TTC7A: variants seen among roughly 807,000 people sequenced by gnomAD.
TTC7A encodes the protein tetratricopeptide repeat protein 7A.
In TTC7A, 110 loss-of-function variants were observed where a neutral mutation model predicts 103.7. That is an observed-to-expected ratio of 1.06 (90% CI 0.91 to 1.24). The LOEUF is 1.24. TTC7A is among the 50% of genes most tolerant of loss of function. The pLI, the probability that TTC7A is intolerant of heterozygous loss-of-function variation, is 0.00. For synonymous variants in TTC7A, 521 were observed against 467.9 expected, an observed-to-expected ratio of 1.11 and a Z score of -1.47; for missense variants, 1,340 against 1,116.3, an observed-to-expected ratio of 1.20 and a Z score of -2.86.
Position 47,046,474 on chromosome 2 carries a change from G to A in TTC7A, c.1919+43G>A, listed in dbSNP as rs769759962. The A allele has an allele frequency of 2.6e-6, 4 of 1,532,252 alleles. No individual in the cohort carries two copies. The African/African-American group carries it at 5.5e-5, about 21-fold the overall frequency. 94.9% of individuals were successfully genotyped at this position (1,532,252 alleles called of 1,614,324 possible). Reference sequence around the variant, plus strand: ...TCTCTTGGGTTGCCAGAGGGTGGTTGCCAGGGCAACAATCCACAGCTGGGT... The same window carrying A: ...TCTCTTGGGTTGCCAGAGGGTGGTTACCAGGGCAACAATCCACAGCTGGGT... On this transcript the variant is annotated intron_variant, in intron 16 of 19. Coordinates refer to ENST00000319190, the MANE Select transcript of TTC7A (RefSeq NM_020458.4).
At chr2:46,989,594 C>T (rs920993850) in intron 5 of TTC7A, among the ~76,000 whole-genome samples, 1 of 151,456 alleles carries the variant, frequency 6.6e-6, no homozygotes, top group Non-Finnish European at 1.5e-5. Context: ...CCCTGTACAG[C>T]CCTGGCCACT....
At chr2:47,015,769 G>A (rs1678587671) in intron 11 of TTC7A, among the ~76,000 whole-genome samples, 1 of 152,202 alleles carries the variant, frequency 6.6e-6, no homozygotes, top group African/African-American at 2.4e-5. Flanking sequence ...TTCAAATTCA[G>A]GGGTGGGCAG....
Position 47,005,997 on chromosome 2 carries a change from G to T in TTC7A, c.1141G>T (p.Ala381Ser). 6.2e-7 allele frequency: 1 copy of T among 1,614,050 alleles called. No homozygotes were observed. The highest frequency in any genetic ancestry group is 8.5e-7 in the Non-Finnish European group (1 of 1,180,030). ...DRTVSLQNAA[A>S]IYDLLSITLG... ...GACAGTGAGCTTGCAGAATGCCGCA[G>T]CCATCTATGACCTCCTGAGCATCAC... Residue 381 changes from alanine (A) to serine (S), a missense_variant, in exon 9 of 20, where the codon GCC (alanine) becomes TCC (serine). By Grantham distance (99) the Ala-to-Ser change is moderately conservative. Transcript: ENST00000319190.
At chr2:46,940,057 G>T (rs534249673), upstream of TTC7A, among the ~76,000 whole-genome samples, 2 of 152,240 alleles carry the variant, frequency 1.3e-5, no homozygotes, top group South Asian at 4.1e-4. This position sits in a 1 kb window ranked among gnomAD's most constrained non-coding sequence, Gnocchi z 4.7. Context: ...GGGAGTCGGG[G>T]GTCAGTGGGA....
intron 5 of TTC7A, among the ~76,000 whole-genome samples, chr2:46,989,417 C>T (rs898350214): frequency 6.6e-6 from 1 of 152,216 alleles, no homozygotes; most frequent in Non-Finnish European, 1.5e-5. Context: ...CGGAAAAGCC[C>T]CAGCTCCACC....
chr2:46,993,893 A>C (rs995430485), intron 6 of TTC7A, among the ~76,000 whole-genome samples: 6 of 152,306 alleles, frequency 3.9e-5, no homozygotes, highest in Non-Finnish European at 7.4e-5. Flanking sequence ...GCCCCAACAC[A>C]GGCCTGCCCT....
chr2:46,930,497 A>ATT (rs575100979), intron 2 of TTC7A, among the ~76,000 whole-genome samples: 72 of 132,028 alleles, frequency 5.5e-4, no homozygotes, highest in African/African-American at 1.8e-3. Context: ...AAGTCCTATA[A>ATT]TTTTTTTTTT....
intron 18 of TTC7A, among the ~76,000 whole-genome samples, chr2:47,053,539 T>TTGGTTGG (rs541862811): frequency 2.9e-4 from 19 of 66,150 alleles, no homozygotes; most frequent in South Asian, 1.6e-3. Flanking sequence ...TTTTTGTTTG[T>TTGGTTGG]TTGTTTGGTT....
At chr2:46,986,230 C>T (rs144196767) in intron 5 of TTC7A, among the ~76,000 whole-genome samples, 49 of 152,302 alleles carry the variant, frequency 3.2e-4, no homozygotes, top group African/African-American at 1.1e-3. Context: ...ACATTCCATC[C>T]TGCCCTCCTA....
chr2:47,021,455 A>G (rs1316725798), intron 11 of TTC7A, among the ~76,000 whole-genome samples: 1 of 152,184 alleles, frequency 6.6e-6, no homozygotes, highest in Non-Finnish European at 1.5e-5. Flanking sequence ...CTTGTCTCAG[A>G]GAGGGAGCGA....
At chr2:46,977,060 G>C (rs1673951471) in intron 4 of TTC7A, among the ~76,000 whole-genome samples, 1 of 152,176 alleles carries the variant, frequency 6.6e-6, no homozygotes, top group Non-Finnish European at 1.5e-5. Context: ...AAACTTTCAT[G>C]GAAAAGATAA....
intron 3 of TTC7A, among the ~76,000 whole-genome samples, chr2:46,969,809 C>A (rs1011818361): frequency 2.0e-5 from 3 of 152,180 alleles, no homozygotes; most frequent in African/African-American, 7.2e-5. Flanking sequence ...CTGCATGCTT[C>A]CTAAACCCTA....
chr2:47,005,731 G>A (rs1051420510), intron 8 of TTC7A, among the ~76,000 whole-genome samples, 191 bp from the exon 9 acceptor site: 4 of 152,192 alleles, frequency 2.6e-5, no homozygotes, highest in African/African-American at 9.7e-5. Context: ...TAAGGGTGAA[G>A]GATTTTCTCT....
chr2:47,029,483 A>G (rs1341387553), intron 15 of TTC7A, 99 bp downstream of exon 15: 2 of 1,350,526 alleles, frequency 1.5e-6, no homozygotes, highest in African/African-American at 1.4e-5. Flanking sequence ...GCCAACACAC[A>G]TGAAGTAAGC....
intron 17 of TTC7A, among the ~76,000 whole-genome samples, chr2:47,051,295 T>C (rs1682835135): frequency 6.6e-6 from 1 of 152,246 alleles, no homozygotes; most frequent in Non-Finnish European, 1.5e-5. Context: ...TATTCTTTTG[T>C]AACTTGCTTG....
At chr2:47,046,074 G>A (rs1337335772) in intron 15 of TTC7A, among the ~76,000 whole-genome samples, 1 of 152,254 alleles carries the variant, frequency 6.6e-6, no homozygotes, top group Non-Finnish European at 1.5e-5. Flanking sequence ...GGCATCAGCA[G>A]TGTGGGCACT....
intron 15 of TTC7A, among the ~76,000 whole-genome samples, chr2:47,042,949 T>TC (rs56865507): frequency 1.8e-4 from 28 of 151,982 alleles, no homozygotes; most frequent in Non-Finnish European, 3.7e-4. Context: ...GCCAGCAGCC[T>TC]CCCCCCAGCT....
intron 4 of TTC7A, among the ~76,000 whole-genome samples, chr2:46,977,094 T>C (rs1242350549): frequency 6.6e-6 from 1 of 152,232 alleles, no homozygotes. Flanking sequence ...GCTGGAAGCC[T>C]AGGCTTTGGA....
chr2:46,957,670 G>C (rs939473399), intron 3 of TTC7A, among the ~76,000 whole-genome samples: 2 of 152,166 alleles, frequency 1.3e-5, no homozygotes, highest in African/African-American at 4.8e-5. Flanking sequence ...CCCAGCTGGG[G>C]GAATCGTGCC....
Sources: gnomAD v4.1 joint callset for allele counts (sites outside exome capture counted in the v4.1 genomes callset) on GRCh38, gnomAD v4.1.1 for gene constraint, Gnocchi (gnomAD v3.1) non-coding constraint, MANE v1.5 for transcripts, NCBI Gene and HGNC (gene_info 2026-07-23, HGNC 2026-07-21) for gene names.